The following UTP6 variants were observed in gnomAD, a reference collection of about 807,000 sequenced individuals.
UTP6 encodes the protein UTP6 small subunit processome component, also known as U3 small nucleolar RNA-associated protein 6 homolog.
In UTP6, 60 loss-of-function variants were observed where a neutral mutation model predicts 96.5. The observed-to-expected ratio is 0.62, with a 90% CI of 0.51 to 0.77. UTP6 has a LOEUF of 0.77. Among genes scored for constraint, UTP6 ranks in the 30% least tolerant of loss-of-function variants. The pLI is 0.00. For synonymous variants in UTP6, 215 were observed against 240.1 expected (o/e 0.90, Z 0.96); for missense variants, 637 against 706.5 (o/e 0.90, Z 1.12).
At chr17:31,865,930 T>C (rs1909784839) in intron 17 of UTP6, among the ~76,000 whole-genome samples, 1 of 152,210 alleles carries the variant, frequency 6.6e-6, no homozygotes, top group Non-Finnish European at 1.5e-5. Context: ...TTAATATCTC[T>C]TAGCACAACT....
In UTP6 at chr17:31,869,604, C is replaced by A. The variant is rs147600603; in HGVS notation, c.1497-1492G>T. ...GACTCAAGCAATTCTCCCACCTCAG[C>A]CTCCTAAAGCACTGGGATTACAGGT... On this transcript the variant is annotated intron_variant, in intron 16 of 18. Transcript: ENST00000261708. 9.8e-5 allele frequency among the ~76,000 whole-genome samples: 15 copies of A among 152,324 alleles called. 1 individual carries two copies. Among genetic ancestry groups the A allele is most frequent in the African/African-American group, 3.6e-4 (15 of 41,564 alleles).
chr17:31,878,879 A>C, intron 11 of UTP6, 98 bp from the exon 12 acceptor site: 6 of 1,116,548 alleles, frequency 5.4e-6, no homozygotes, highest in Non-Finnish European at 7.8e-6. Flanking sequence ...GTCATCCTAC[A>C]CCTTTACTTC....
Position 31,877,738 on chromosome 17 carries a change from A to AG in UTP6, c.1125+511dup, listed in dbSNP as rs375244017. Reference sequence around the variant, plus strand: ...TCCCAGCACTTTGGGAGGCCGAGGCAGGGGGATCACTTGAGGTCAGAAGTT... The same window carrying AG: ...TCCCAGCACTTTGGGAGGCCGAGGCAGGGGGGATCACTTGAGGTCAGAAGTT... On this transcript the variant is annotated intron_variant, in intron 13 of 18. Coordinates refer to ENST00000261708, the MANE Select transcript of UTP6 (RefSeq NM_018428.3). Among the ~76,000 whole-genome samples, 504 of 152,212 alleles carry AG rather than the reference A, an allele frequency of 3.3e-3. 4 individuals carry two copies. The highest frequency in any genetic ancestry group is 0.011 in the African/African-American group (475 of 41,554).
At chr17:31,865,568 G>C in intron 17 of UTP6, 130 bp from the exon 18 acceptor site, 1 of 832,994 alleles carries the variant, frequency 1.2e-6, no homozygotes, top group Non-Finnish European at 1.8e-6. Flanking sequence ...ACACAACTTG[G>C]CTCTCAACTT....
At chr17:31,870,789 C>G (rs551286974) in intron 16 of UTP6, among the ~76,000 whole-genome samples, 47 of 151,876 alleles carry the variant, frequency 3.1e-4, no homozygotes, top group African/African-American at 1.1e-3. Flanking sequence ...TCCCAAAGTG[C>G]TGGGATTACA....
intron 1 of UTP6, among the ~76,000 whole-genome samples, chr17:31,900,581 C>T (rs1904919827): frequency 6.6e-6 from 1 of 152,140 alleles, no homozygotes; most frequent in Admixed American, 6.6e-5. Context: ...TGAGCCACAG[C>T]GCCTGGCTGG....
At chr17:31,872,711 T>C (rs978911965) in intron 16 of UTP6, among the ~76,000 whole-genome samples, 2 of 151,910 alleles carry the variant, frequency 1.3e-5, no homozygotes, top group African/African-American at 4.8e-5. Flanking sequence ...TTGAAAAAGT[T>C]CACTGGAGGC....
At chr17:31,889,489 C>G in intron 6 of UTP6, 86 bp from the exon 7 acceptor site, 1 of 994,902 alleles carries the variant, frequency 1.0e-6, no homozygotes, top group Non-Finnish European at 1.5e-6. Context: ...TTTTAATACT[C>G]GCACAATTTT....
intron 6 of UTP6, among the ~76,000 whole-genome samples, chr17:31,890,511 C>T (rs972409815): frequency 2.7e-5 from 4 of 148,602 alleles, no homozygotes; most frequent in Non-Finnish European, 6.0e-5. Context: ...TCAGCTATTA[C>T]GGAGACTGAG....
Position 31,880,679 on chromosome 17 carries a change from C to T in UTP6, c.861G>A (p.Gln287=). 6.2e-7 allele frequency: 1 copy of T among 1,614,186 alleles called. No homozygotes were observed. The highest frequency in any genetic ancestry group is 2.2e-5 in the East Asian group (1 of 44,882). ...VARRELEIES[Q]TEEQPTTKQA... ...GTTTCGTTGTAGGCTGCTCTTCTGTCTGTGACTCAATCTCTAATTCTCGCC... is the reference window on the plus strand; with the variant it reads ...GTTTCGTTGTAGGCTGCTCTTCTGTTTGTGACTCAATCTCTAATTCTCGCC... The change falls in exon 11 of 19, where the codon CAG becomes CAA. Residue 287 remains glutamine (Q), a synonymous_variant. Transcript: ENST00000261708.
rs146530884 is a variant in UTP6 at position 31,875,682 on chromosome 17, G to A, written c.1126-269C>T. Among the ~76,000 whole-genome samples, 434 of 152,166 alleles carry A rather than the reference G, an allele frequency of 2.9e-3. 13 individuals are homozygous for A. In the South Asian group the frequency reaches 0.056, roughly 19 times the overall value. ...TACTAAAAACACAAAAATTAGCTGG[G>A]TGTGGTGGTATGCATCTGTAATCCC... On this transcript the variant is annotated intron_variant, in intron 13 of 18. Transcript: ENST00000261708.
In UTP6 at chr17:31,894,969, C is replaced by A; in HGVS notation, c.219+1G>T. The A allele has an allele frequency of 1.9e-6, 3 of 1,564,622 alleles. No homozygotes were observed. The highest frequency in any genetic ancestry group is 2.6e-6 in the Non-Finnish European group (3 of 1,144,988). Reference sequence around the variant, plus strand: ...CAACTTCTAGAAAATCTTCTACTTACTGTTCTTCTTCTCTGGATCAGCTCC... The same window carrying A: ...CAACTTCTAGAAAATCTTCTACTTAATGTTCTTCTTCTCTGGATCAGCTCC... On this transcript the variant is annotated splice_donor_variant, in intron 3 of 18. Transcript: ENST00000261708. LOFTEE classifies it high-confidence loss of function.
intron 18 of UTP6, among the ~76,000 whole-genome samples, chr17:31,863,746 C>T (rs144462766): frequency 1.6e-4 from 25 of 152,106 alleles, no homozygotes; most frequent in Non-Finnish European, 3.2e-4. Flanking sequence ...TGTGTTGCCC[C>T]GGCTAGAGTG....
At position 31,878,735 on chromosome 17, in the gene UTP6, A is replaced by G; in HGVS notation, c.1014T>C (p.Thr338=). The change falls in exon 12 of 19, where the codon ACT becomes ACC. Residue 338 remains threonine, a synonymous_variant. Transcript: ENST00000261708. Reference sequence around the variant, plus strand: ...TAAGGAACCCACTATTTGACTTCTTAGTAAATCTTTCCAAGCAAAAGGTGA... The same window carrying G: ...TAAGGAACCCACTATTTGACTTCTTGGTAAATCTTTCCAAGCAAAAGGTGA... ...CYITFCLERF[T]KKSNSGFLRG... 6.2e-7 allele frequency: 1 copy of G among 1,614,200 alleles called. No individual in the cohort carries two copies. Among genetic ancestry groups the G allele is most frequent in the Non-Finnish European group, 8.5e-7 (1 of 1,180,040 alleles).
rs907254570 is a variant in UTP6 at position 31,863,287 on chromosome 17, G to A, written c.*72C>T. 9.3e-5 allele frequency: 141 copies of A among 1,518,574 alleles called. No individual in the cohort carries two copies. The highest frequency in any genetic ancestry group is 1.4e-5 in the Non-Finnish European group (16 of 1,110,350). 94.1% of individuals were successfully genotyped at this position (1,518,574 alleles called of 1,614,324 possible). ...TGCCATCACTGAGCAAATTACAGAT[G>A]GACTCAATACAAATTTGCCCACGGG... On this transcript the variant is annotated 3_prime_UTR_variant, in exon 19 of 19. Coordinates refer to ENST00000261708, the MANE Select transcript of UTP6 (RefSeq NM_018428.3).
intron 2 of UTP6, among the ~76,000 whole-genome samples, chr17:31,897,881 C>T (rs1286243640): frequency 6.6e-6 from 1 of 152,098 alleles, no homozygotes; most frequent in Non-Finnish European, 1.5e-5. Context: ...TCAAACCTTC[C>T]ATGCATTTAC....
intron 7 of UTP6, among the ~76,000 whole-genome samples, chr17:31,888,709 A>C (rs900647595): frequency 1.3e-5 from 2 of 151,914 alleles, no homozygotes; most frequent in Non-Finnish European, 2.9e-5. Context: ...AATAAAAAAG[A>C]TGTTTGTCCT....
At position 31,862,249 on chromosome 17, in the gene UTP6, G is replaced by A. The variant is rs1909585886; in HGVS notation, c.*1110C>T. The A allele has an allele frequency of 6.6e-6, 1 of 151,822 alleles. No homozygotes were observed. Among genetic ancestry groups the A allele is most frequent in the African/African-American group, 2.4e-5 (1 of 41,284 alleles). 9.4% of individuals were successfully genotyped at this position (151,822 alleles called of 1,614,324 possible). A position where few individuals can be genotyped will look rare whatever the true frequency, so the allele number is the denominator to read the frequency against. On this transcript the variant is annotated 3_prime_UTR_variant, in exon 19 of 19. Coordinates refer to ENST00000261708, the MANE Select transcript of UTP6 (RefSeq NM_018428.3). The stretch of plus-strand genomic sequence containing the variant: ...GGTGGAGGTTGCAGTGAGCCGAGAT[G>A]GAGCCACTGCACTCCAGCCTGGATG...
chr17:31,889,043 G>T (rs1411968271), intron 7 of UTP6, among the ~76,000 whole-genome samples: 1 of 151,516 alleles, frequency 6.6e-6, no homozygotes, highest in African/African-American at 2.4e-5. Context: ...CTGCACTCCA[G>T]CCTGGGCAAC....
Sources: allele counts gnomAD v4.1 joint callset (sites outside exome capture counted in the v4.1 genomes callset), GRCh38; gene constraint gnomAD v4.1.1; transcripts MANE v1.5; gene names NCBI Gene and HGNC (gene_info 2026-07-23, HGNC 2026-07-21).